PTPN2: variants seen among roughly 807,000 people sequenced by gnomAD.
The protein encoded by PTPN2 is protein tyrosine phosphatase non-receptor type 2.
In PTPN2, 19 loss-of-function variants were observed where a neutral mutation model predicts 57.3. That is an observed-to-expected ratio of 0.33 (90% CI 0.23 to 0.49). The LOEUF is 0.49. Ranked by LOEUF, PTPN2 falls within the 20% of genes least tolerant of loss-of-function variation. The probability of loss-of-function intolerance (pLI) is 0.99; values close to 1 mark genes in which losing one functional copy is unlikely to be tolerated. For missense variants in PTPN2, 358 were observed against 501.1 expected (o/e 0.71, Z 2.73); for synonymous variants, 153 against 164.9 (o/e 0.93, Z 0.55).
chr18:12,860,376 A>C (rs903269928), intron 1 of PTPN2, among the ~76,000 whole-genome samples: 5 of 151,986 alleles, frequency 3.3e-5, no homozygotes, highest in Admixed American at 2.0e-4. Context: ...AGGTGGGTGG[A>C]TCACGAGGTC....
chr18:12,870,512 T>TG (rs1555679774), intron 1 of PTPN2, among the ~76,000 whole-genome samples: 1 of 75,696 alleles, frequency 1.3e-5, no homozygotes, highest in Non-Finnish European at 2.3e-5. Context: ...AGCGTGTTGT[T>TG]TTTTTTTTTT....
At chr18:12,871,491 C>T (rs140562717) in intron 1 of PTPN2, among the ~76,000 whole-genome samples, 199 of 152,102 alleles carry the variant, frequency 1.3e-3, no homozygotes, top group African/African-American at 4.4e-3. Context: ...TAGTTCTTTA[C>T]ATATTAAGAA....
intron 7 of PTPN2, among the ~76,000 whole-genome samples, chr18:12,809,901 G>A (rs762821273): frequency 4.2e-4 from 64 of 152,280 alleles, no homozygotes; most frequent in Middle Eastern, 3.4e-3. Context: ...AAAAAGGCAC[G>A]CCTGGCACAG....
At chr18:12,868,338 C>T (rs1045319150) in intron 1 of PTPN2, among the ~76,000 whole-genome samples, 10 of 151,988 alleles carry the variant, frequency 6.6e-5, no homozygotes, top group Admixed American at 6.6e-4. Context: ...ACTGTAACCT[C>T]CGCCTCCCGG....
chr18:12,812,116 T>A (rs1373104133), intron 7 of PTPN2, among the ~76,000 whole-genome samples: 1 of 152,340 alleles, frequency 6.6e-6, no homozygotes, highest in Non-Finnish European at 1.5e-5. Flanking sequence ...ACTGTCATCA[T>A]CAATACTGGG....
At chr18:12,851,485 C>CAAA (rs1218202992) in intron 2 of PTPN2, among the ~76,000 whole-genome samples, 2 of 9,906 alleles carry the variant, frequency 2.0e-4, no homozygotes, top group Admixed American at 1.8e-3. Flanking sequence ...GACTCCGTCT[C>CAAA]AAAAAAAAAA....
At chr18:12,836,059 T>G (rs922014254) in intron 3 of PTPN2, among the ~76,000 whole-genome samples, 1 of 151,882 alleles carries the variant, frequency 6.6e-6, no homozygotes, top group Non-Finnish European at 1.5e-5. Context: ...GTCATTCTGA[T>G]TTAAGTTATG....
chr18:12,872,900 G>C (rs1484326164), intron 1 of PTPN2, among the ~76,000 whole-genome samples: 4 of 152,122 alleles, frequency 2.6e-5, no homozygotes, highest in Non-Finnish European at 5.9e-5. Context: ...TCAGATAATG[G>C]CACTGCAGGG....
At chr18:12,854,351 C>T (rs2043503762) in intron 2 of PTPN2, among the ~76,000 whole-genome samples, 1 of 122,340 alleles carries the variant, frequency 8.2e-6, no homozygotes, top group African/African-American at 3.1e-5. Context: ...CAGAGCCAGA[C>T]CCTGTCTTGA....
chr18:12,876,256 T>A (rs1214521834), intron 1 of PTPN2, among the ~76,000 whole-genome samples: 1 of 123,736 alleles, frequency 8.1e-6, no homozygotes, highest in East Asian at 2.6e-4. Context: ...AGGCCGGGAG[T>A]TCAAGACCAG....
chr18:12,798,534 T>C (rs549271444), intron 8 of PTPN2, among the ~76,000 whole-genome samples: 91 of 152,266 alleles, frequency 6.0e-4, no homozygotes, highest in Middle Eastern at 3.4e-3. Context: ...TCCATTAGTT[T>C]TGCTAAGGAT....
intron 1 of PTPN2, among the ~76,000 whole-genome samples, chr18:12,870,460 TATAGAGAGAGAG>T (rs1259656330): frequency 2.5e-4 from 6 of 24,106 alleles, no homozygotes; most frequent in East Asian, 2.9e-3. Context: ...TATATATATA[TATAGAGAGAGAG>T]AGAGAGAGAG....
At chr18:12,871,493 T>A (rs1568171489) in intron 1 of PTPN2, among the ~76,000 whole-genome samples, 1 of 152,204 alleles carries the variant, frequency 6.6e-6, no homozygotes, top group African/African-American at 2.4e-5. Flanking sequence ...GTTCTTTACA[T>A]ATTAAGAAAG....
At chr18:12,791,374 A>G (rs1173211917), downstream of PTPN2, among the ~76,000 whole-genome samples, 1 of 152,224 alleles carries the variant, frequency 6.6e-6, no homozygotes, top group African/African-American at 2.4e-5. Flanking sequence ...CAAAGTATAT[A>G]TCTGACTCTT....
chr18:12,802,223 T>C, intron 7 of PTPN2, 72 bp from the exon 8 acceptor site: 1 of 1,182,792 alleles, frequency 8.5e-7, no homozygotes, highest in South Asian at 1.6e-5. Flanking sequence ...AAAAAATTTA[T>C]GAATTAAAAT....
chr18:12,825,915 A>G lies in PTPN2; in HGVS notation c.390T>C (p.Asp130=). Residue 130 remains aspartate (D), a synonymous_variant, in exon 5 of 9, where the codon GAT becomes GAC. Transcript: ENST00000309660. ...TTTCTTTAAACAGCATCTCTTGGTC[A>G]TCTGTTGGCCAGTACTGTGCACATT... ...SVKCAQYWPT[D]DQEMLFKETG... is the part of the protein sequence containing the mutation. 1 of 1,611,336 alleles carries G rather than the reference A, an allele frequency of 6.2e-7. No individual in the cohort carries two copies. Among genetic ancestry groups the G allele is most frequent in the Non-Finnish European group, 8.5e-7 (1 of 1,177,818 alleles).
At chr18:12,864,116 G>T (rs1389201996) in intron 1 of PTPN2, 3 of 151,012 alleles carry the variant, frequency 2.0e-5, no homozygotes, top group Non-Finnish European at 2.9e-5. Context: ...CAATCTCTTG[G>T]AAAGATAATA....
At chr18:12,883,290 T>C (rs1450225799) in intron 1 of PTPN2, among the ~76,000 whole-genome samples, 1 of 152,160 alleles carries the variant, frequency 6.6e-6, no homozygotes, top group Non-Finnish European at 1.5e-5. Flanking sequence ...AATGACACGC[T>C]ATCACTGGAC....
intron 6 of PTPN2, 125 bp from the exon 7 acceptor site, chr18:12,814,480 C>T (rs2041999218): frequency 5.1e-6 from 4 of 781,354 alleles, no homozygotes; most frequent in Non-Finnish European, 7.9e-6. Context: ...GATAATTTAA[C>T]CCTCCAGCTA....
Sources: allele counts gnomAD v4.1 joint callset (sites outside exome capture counted in the v4.1 genomes callset), GRCh38; gene constraint gnomAD v4.1.1; transcripts MANE v1.5; gene names NCBI Gene and HGNC (gene_info 2026-07-23, HGNC 2026-07-21).